Variants in GCA observed in about 807,000 individuals in gnomAD.
GCA encodes the protein grancalcin, EF-hand calcium-binding protein.
A neutral mutation model predicts 32.6 loss-of-function variants in GCA; 30 were observed. The ratio of observed to expected loss-of-function variants is 0.92; its 90% CI spans 0.69 to 1.25. The LOEUF (loss-of-function observed/expected upper bound fraction) is 1.25, where lower values mean the gene tolerates loss of function less well. Ranked by LOEUF, GCA falls within the 50% of genes most tolerant of loss-of-function variation. The pLI, the probability that GCA is intolerant of heterozygous loss-of-function variation, is 0.00. For missense variants in GCA, 291 were observed against 266.8 expected (o/e 1.09, Z -0.63); for synonymous variants, 102 against 84.6 (o/e 1.21, Z -1.13).
chr2:162,352,555 G>A (rs1335339079), intron 3 of GCA, 148 bp downstream of exon 3: 2 of 586,884 alleles, frequency 3.4e-6, no homozygotes, highest in Non-Finnish European at 6.1e-6. Context: ...AACTCGTTAT[G>A]AAAATAACTG....
At chr2:162,323,465 A>C (rs1217595820) in intron 1 of GCA, among the ~76,000 whole-genome samples, 1 of 151,772 alleles carries the variant, frequency 6.6e-6, no homozygotes, top group East Asian at 1.9e-4. Context: ...TTGGTGTTTT[A>C]GACATGAAGT....
At chr2:162,324,278 G>T (rs1040276258) in intron 1 of GCA, among the ~76,000 whole-genome samples, 5 of 152,170 alleles carry the variant, frequency 3.3e-5, no homozygotes, top group Non-Finnish European at 5.9e-5. Context: ...GGAAGAATCG[G>T]ATCACACCTG....
At chr2:162,365,980 A>C (rs1232923100), downstream of GCA, among the ~76,000 whole-genome samples, 2 of 151,734 alleles carry the variant, frequency 1.3e-5, no homozygotes, top group Admixed American at 6.6e-5. Context: ...AATATATGTC[A>C]GTATAAATAA....
chr2:162,361,568 T>TA lies in GCA; in HGVS notation c.*1326dup, dbSNP rs1250493748. The stretch of plus-strand genomic sequence containing the variant: ...TCTTGAACAAAATCTTTTATAAACT[T>TA]ACAGAATTTTAAATCAGCCTTCACT... On this transcript the variant is annotated 3_prime_UTR_variant, in exon 8 of 8. Transcript: ENST00000437150. The TA allele has an allele frequency of 8.1e-6, 8 of 982,006 alleles. No individual in the cohort carries two copies. Among genetic ancestry groups the TA allele is most frequent in the Non-Finnish European group, 9.7e-6 (8 of 827,160 alleles). The allele number at this position is 982,006 out of a possible 1,614,324, so 60.8% of individuals were successfully genotyped here.
At chr2:162,320,089 T>A (rs1471184068) in intron 1 of GCA, among the ~76,000 whole-genome samples, 1 of 152,222 alleles carries the variant, frequency 6.6e-6, no homozygotes. Flanking sequence ...ACTGGTGGGC[T>A]CTTGATGACA....
Position 162,362,614 on chromosome 2 carries a change from T to C in GCA, c.*2371T>C. 1 of 900,632 alleles carries C rather than the reference T, an allele frequency of 1.1e-6. No homozygotes were observed. Among genetic ancestry groups the C allele is most frequent in the Non-Finnish European group, 1.3e-6 (1 of 752,798 alleles). 55.8% of individuals were successfully genotyped at this position (900,632 alleles called of 1,614,324 possible). On this transcript the variant is annotated 3_prime_UTR_variant, in exon 8 of 8. Transcript: ENST00000437150. ...CATGTCATTTTGAGAATTTTTTTAA[T>C]AAACATTCAAATAGCTTGCTGTAAA... is the stretch of plus-strand genomic sequence containing the variant.
chr2:162,330,641 T>C (rs1684043778), intron 1 of GCA, among the ~76,000 whole-genome samples: 2 of 152,246 alleles, frequency 1.3e-5, no homozygotes, highest in African/African-American at 4.8e-5. Context: ...AATTATCCAT[T>C]GCCTCACAGT....
chr2:162,373,174 C>T (rs752911427), downstream of GCA, among the ~76,000 whole-genome samples: 4 of 152,056 alleles, frequency 2.6e-5, no homozygotes, highest in Non-Finnish European at 5.9e-5. Flanking sequence ...AGCTCTACCA[C>T]ATGTAAATTT....
chr2:162,348,059 A>G (rs1684800206), intron 2 of GCA, among the ~76,000 whole-genome samples: 1 of 152,138 alleles, frequency 6.6e-6, no homozygotes, highest in African/African-American at 2.4e-5. Context: ...CTTACTAGTC[A>G]CTAAACACCC....
intron 1 of GCA, among the ~76,000 whole-genome samples, chr2:162,328,110 T>C (rs1683952035): frequency 6.8e-6 from 1 of 147,972 alleles, no homozygotes; most frequent in Non-Finnish European, 1.5e-5. Flanking sequence ...CAAGGAGGTG[T>C]GGAGGGAGTC....
chr2:162,356,352 G>GTTTTTT, intron 3 of GCA, 86 bp from the exon 4 acceptor site: 1 of 795,480 alleles, frequency 1.3e-6, no homozygotes. Flanking sequence ...GTTTTTTAAT[G>GTTTTTT]TTTTATTTTG....
intron 1 of GCA, among the ~76,000 whole-genome samples, chr2:162,345,093 A>ATTGGTGG (rs1553464741): frequency 9.1e-6 from 1 of 109,346 alleles, no homozygotes; most frequent in Non-Finnish European, 1.9e-5. Context: ...CTTGGAGTTC[A>ATTGGTGG]TGGTGGTGGT....
At chr2:162,351,077 A>C (rs1684972959) in intron 2 of GCA, among the ~76,000 whole-genome samples, 1 of 152,200 alleles carries the variant, frequency 6.6e-6, no homozygotes, top group African/African-American at 2.4e-5. Flanking sequence ...AGGTTTCTGC[A>C]GTGTTCTTAT....
At chr2:162,341,265 TTTTATATATATA>T (rs1684434296), upstream of GCA, among the ~76,000 whole-genome samples, 1 of 91,430 alleles carries the variant, frequency 1.1e-5, no homozygotes, top group Non-Finnish European at 2.0e-5. Context: ...GTCTTATTTA[TTTTATATATATA>T]TATATATATA....
chr2:162,359,965 G>GT (rs1162947020), intron 7 of GCA, among the ~76,000 whole-genome samples: 1 of 151,004 alleles, frequency 6.6e-6, no homozygotes, highest in African/African-American at 2.4e-5. Flanking sequence ...GATATTCAGG[G>GT]TTTTTTAAAA....
At position 162,359,371 on chromosome 2, in the gene GCA, G is replaced by A. The variant is rs1576300842; in HGVS notation, c.569-123G>A. The A allele has an allele frequency of 1.5e-5, 9 of 590,836 alleles. No homozygotes were observed. In the East Asian group the frequency reaches 2.7e-4, roughly 17 times the overall value. 36.6% of individuals were successfully genotyped at this position (590,836 alleles called of 1,614,324 possible). A position where few individuals can be genotyped will look rare whatever the true frequency, so the allele number is the denominator to read the frequency against. ...GTTTTTCTCATATCTCTGTTGCCAG[G>A]GCTATTCAATCACTTAATATTTAAT... On this transcript the variant is annotated intron_variant, in intron 6 of 7. Transcript: ENST00000437150.
At chr2:162,337,780 T>C (rs1362954096) in intron 1 of GCA, among the ~76,000 whole-genome samples, 2 of 152,172 alleles carry the variant, frequency 1.3e-5, no homozygotes, top group African/African-American at 4.8e-5. Flanking sequence ...AGCAATGAAG[T>C]GTTTTATAGC....
exon 5 of GCA, chr2:162,371,551 G>A: frequency 2.3e-5 from 21 of 914,214 alleles, no homozygotes; most frequent in Non-Finnish European, 3.1e-5. Flanking sequence ...AGAAATTGGA[G>A]TTTCCTAACA....
At chr2:162,328,781 T>G (rs918550396) in intron 1 of GCA, among the ~76,000 whole-genome samples, 2 of 152,222 alleles carry the variant, frequency 1.3e-5, no homozygotes, top group African/African-American at 4.8e-5. Flanking sequence ...CTTGCCTTGG[T>G]GTACTGGAAA....
Sources: allele counts gnomAD v4.1 joint callset (sites outside exome capture counted in the v4.1 genomes callset), GRCh38; gene constraint gnomAD v4.1.1; transcripts MANE v1.5; gene names NCBI Gene and HGNC (gene_info 2026-07-23, HGNC 2026-07-21).